The following CIITA variants were observed in gnomAD, a reference collection of about 807,000 sequenced individuals.
CIITA encodes the protein MHC class II transactivator.
A neutral mutation model predicts 115.1 loss-of-function variants in CIITA; 72 were observed. The ratio of observed to expected loss-of-function variants is 0.63; its 90% CI spans 0.52 to 0.76. The LOEUF is 0.76. Ranked by LOEUF, CIITA falls within the 30% of genes least tolerant of loss-of-function variation. The pLI, the probability that CIITA is intolerant of heterozygous loss-of-function variation, is 0.00. For missense variants in CIITA, 1,617 were observed against 1,463.8 expected, an observed-to-expected ratio of 1.10 and a Z score of -1.71; for synonymous variants, 763 against 635.6, an observed-to-expected ratio of 1.20 and a Z score of -3.02.
chr16:10,914,910 ATTT>A (rs1346623126), intron 13 of CIITA: 6 of 358,648 alleles, frequency 1.7e-5, no homozygotes, highest in Admixed American at 1.4e-4. Flanking sequence ...GTCAGCTGGC[ATTT>A]CAGGACCCCT....
In CIITA at chr16:10,895,301, C is replaced by G; in HGVS notation, c.72C>G (p.Thr24=). 1 of 1,614,014 alleles carries G rather than the reference C, an allele frequency of 6.2e-7. No individual in the cohort carries two copies. The highest frequency in any genetic ancestry group is 1.1e-5 in the South Asian group (1 of 91,076). ...SEPQGSSQCA[T]MELGPLEGGY... ...TCCCAGGCAGCTCACAGTGTGCCAC[C>G]ATGGAGTTGGGGCCCCTAGAAGGTG... The change falls in exon 2 of 20, where the codon ACC becomes ACG. Residue 24 remains threonine (T), a synonymous_variant. Coordinates refer to ENST00000324288, the MANE Select transcript of CIITA (RefSeq NM_000246.4).
In CIITA at chr16:10,941,686, G is replaced by C. The variant is rs202166462; in HGVS notation, n.812G>C. 1.4e-4 allele frequency: 228 copies of C among 1,581,180 alleles called. 2 individuals carry two copies. In the East Asian group the frequency reaches 4.5e-3, roughly 31 times the overall value. On this transcript the variant is annotated non_coding_transcript_exon_variant, in exon 2 of 2. Transcript: ENST00000573379. The surrounding 1 kb of genome is among the most constrained non-coding windows in gnomAD (Gnocchi z 6.4). ...TGGTCCAGGGCATGGGTTGCGGATC[G>C]TGTAGGGAAGAGGGGAACAGCAGTC...
intron 3 of CIITA, among the ~76,000 whole-genome samples, chr16:10,896,571 C>T (rs1473800281): frequency 1.3e-5 from 2 of 152,134 alleles, no homozygotes; most frequent in African/African-American, 4.8e-5. Flanking sequence ...ATCACCACCA[C>T]CTCATACAGA....
rs183516699 is a variant in CIITA at position 10,916,636 on chromosome 16, T to G, written c.3062+177T>G. ...GAACTCCTGGCCTCAAGGAATCTCC[T>G]CACCTCCGCTTCCCAAAGTGCTGGG... On this transcript the variant is annotated intron_variant, in intron 15 of 19. Coordinates refer to ENST00000324288, the MANE Select transcript of CIITA (RefSeq NM_000246.4). 1,133 of 650,908 alleles carry G rather than the reference T, an allele frequency of 1.7e-3. 15 individuals are homozygous for G. The highest frequency in any genetic ancestry group is 3.6e-3 in the Middle Eastern group (9 of 2,482). The allele number at this position is 650,908 out of a possible 1,614,324, so 40.3% of individuals were successfully genotyped here. A position where few individuals can be genotyped will look rare whatever the true frequency, so the allele number is the denominator to read the frequency against.
rs112852440 is a variant in CIITA at position 10,907,520 on chromosome 16, G to C, written c.2028G>C (p.Gln676His). Reference sequence around the variant, plus strand: ...GCCGCAGACATCAAAGTACCCTACAGGAGGACCAGTTCCCATCCGCAGACG... The same window carrying C: ...GCCGCAGACATCAAAGTACCCTACACGAGGACCAGTTCCCATCCGCAGACG... The part of the protein sequence containing the change: ...ELGRRHQSTL[Q>H]EDQFPSADVR... The change falls in exon 11 of 20, where the codon CAG becomes CAC. Residue 676 changes from glutamine (Q) to histidine (H), a missense_variant. By Grantham distance (24) the Gln-to-His change is conservative (BLOSUM62 0). Coordinates refer to ENST00000324288, the MANE Select transcript of CIITA (RefSeq NM_000246.4). This position sits in a 1 kb window ranked among gnomAD's most constrained non-coding sequence, Gnocchi z 5.0. 185 of 1,614,006 alleles carry C rather than the reference G, an allele frequency of 1.1e-4. No individual in the cohort carries two copies. Among genetic ancestry groups the C allele is most frequent in the Non-Finnish European group, 1.5e-4 (177 of 1,180,024 alleles).
intron 14 of CIITA, 133 bp downstream of exon 14, chr16:10,915,783 G>A: frequency 1.2e-6 from 1 of 822,636 alleles, no homozygotes; most frequent in Non-Finnish European, 2.0e-6. Flanking sequence ...GGGACCACAG[G>A]TGCATGCTAC....
At position 10,915,550 on chromosome 16, in the gene CIITA, C is replaced by T. The variant is rs1341433326; in HGVS notation, c.2889-20C>T. 5 of 1,604,640 alleles carry T rather than the reference C, an allele frequency of 3.1e-6. No individual in the cohort carries two copies. In the South Asian group the frequency reaches 4.4e-5, roughly 14 times the overall value. On this transcript the variant is annotated intron_variant, in intron 13 of 19. Coordinates refer to ENST00000324288, the MANE Select transcript of CIITA (RefSeq NM_000246.4). ...CTGTGACTGTGACTGGAGGTCTTAC[C>T]CTTGCTCTTTGCCTCCTAGGCTGGG...
intron 13 of CIITA, among the ~76,000 whole-genome samples, chr16:10,910,677 C>A (rs2039499199): frequency 6.6e-6 from 1 of 152,106 alleles, no homozygotes; most frequent in Non-Finnish European, 1.5e-5. Flanking sequence ...AAAGGCTTTC[C>A]AGGAATTGTA....
At chr16:10,916,327 A>G (rs772209909) in intron 14 of CIITA, 40 bp from the exon 15 acceptor site, 2 of 1,595,438 alleles carry the variant, frequency 1.3e-6, no homozygotes, top group Non-Finnish European at 1.7e-6. Context: ...AGATGGCCCC[A>G]GGACGCTAGC....
rs574571155 is a variant in CIITA at position 10,930,731 on chromosome 16, G to A, written c.*6876G>A. On this transcript the variant is annotated 3_prime_UTR_variant, in exon 20 of 20. Transcript: ENST00000324288. ...TAAGTGCCATGAGACCTTAGCAGAG[G>A]CTGTGGGTGCCCCGCCCCATTCCCT... The A allele has an allele frequency of 6.6e-5, 10 of 152,312 alleles. No individual in the cohort carries two copies. The highest frequency in any genetic ancestry group is 2.2e-4 in the African/African-American group (9 of 41,556). 9.4% of individuals were successfully genotyped at this position (152,312 alleles called of 1,614,324 possible). A position where few individuals can be genotyped will look rare whatever the true frequency, so the allele number is the denominator to read the frequency against.
intron 15 of CIITA, among the ~76,000 whole-genome samples, chr16:10,917,604 C>T (rs950086341): frequency 6.6e-6 from 1 of 151,930 alleles, no homozygotes; most frequent in African/African-American, 2.4e-5. Flanking sequence ...CTCAGCCTCC[C>T]AAGTAGCTGG....
Position 10,901,609 on chromosome 16 carries a change from G to A in CIITA, c.481+51G>A, listed in dbSNP as rs116778555. ...TGGGAAGGGTGGATGCCTTGGGGAG[G>A]GGATGGAAGAGATTGAACTCCTGGC... On this transcript the variant is annotated intron_variant, in intron 6 of 19. Transcript: ENST00000324288. This position sits in a 1 kb window ranked among gnomAD's most constrained non-coding sequence, Gnocchi z 6.8. 1 of 1,581,784 alleles carries A rather than the reference G, an allele frequency of 6.3e-7. No homozygotes were observed. The highest frequency in any genetic ancestry group is 1.3e-5 in the African/African-American group (1 of 74,340).
intron 11 of CIITA, 150 bp from the exon 12 acceptor site, chr16:10,908,879 G>A: frequency 1.9e-6 from 2 of 1,040,922 alleles, no homozygotes; most frequent in East Asian, 2.5e-5. Context: ...AATAAAGGCT[G>A]GAGTGGTCAT....
intron 16 of CIITA, 21 bp from the exon 17 acceptor site, chr16:10,922,146 C>G (rs769254329): frequency 2.5e-6 from 4 of 1,612,096 alleles, no homozygotes; most frequent in East Asian, 4.5e-5. Flanking sequence ...AATCCCTCCC[C>G]CTGGCCTCTG....
chr16:10,868,239 C>G (rs2035230529), intron 1 of CIITA, among the ~76,000 whole-genome samples: 1 of 152,230 alleles, frequency 6.6e-6, no homozygotes, highest in East Asian at 1.9e-4. Flanking sequence ...TTATTTAACA[C>G]TTAAAGAAGA....
At chr16:10,878,120 A>C (rs2036021421) in intron 1 of CIITA, among the ~76,000 whole-genome samples, 1 of 152,062 alleles carries the variant, frequency 6.6e-6, no homozygotes, top group Non-Finnish European at 1.5e-5. Flanking sequence ...ATTTTATAGG[A>C]ACTGGAATTG....
At chr16:10,885,710 A>T (rs2036879387) in intron 1 of CIITA, among the ~76,000 whole-genome samples, 2 of 152,252 alleles carry the variant, frequency 1.3e-5, no homozygotes, top group African/African-American at 4.8e-5. Flanking sequence ...GCTCTTGGGC[A>T]CAAATCAAGC....
chr16:10,935,991 T>TG lies in CIITA; in HGVS notation c.*12136_*12137insG, dbSNP rs1256537324. 4 of 151,776 alleles carry TG rather than the reference T, an allele frequency of 2.6e-5. No homozygotes were observed. In the East Asian group the frequency reaches 7.8e-4, roughly 30 times the overall value. The allele number at this position is 151,776 out of a possible 1,614,324, so 9.4% of individuals were successfully genotyped here. Reference sequence around the variant, plus strand: ...GTTAAGGGACACTACTGGGACAATTTTTTTTTTTTTTCGTTTTGAGACAGG... The same window carrying TG: ...GTTAAGGGACACTACTGGGACAATTTGTTTTTTTTTTTCGTTTTGAGACAGG... On this transcript the variant is annotated 3_prime_UTR_variant, in exon 20 of 20. Transcript: ENST00000324288.
rs773733783 is a variant in CIITA at position 10,907,720 on chromosome 16, A to G, written c.2228A>G (p.Lys743Arg). ...CAGTACCTAGCATTGACCCCAAGGA[A>G]GAAGAGGCCCTATGACAACTGGCTG... ...LPQYLALTPR[K>R]KRPYDNWLEG... Residue 743 changes from lysine (K) to arginine (R), a missense_variant, in exon 11 of 20, where the codon AAG becomes AGG. Lys to Arg is a conservative substitution (Grantham distance 26). Transcript: ENST00000324288. This position sits in a 1 kb window ranked among gnomAD's most constrained non-coding sequence, Gnocchi z 5.0. 1 of 1,614,230 alleles carries G rather than the reference A, an allele frequency of 6.2e-7. No individual in the cohort carries two copies. Among genetic ancestry groups the G allele is most frequent in the Non-Finnish European group, 8.5e-7 (1 of 1,180,040 alleles).
Sources: allele counts gnomAD v4.1 joint callset (sites outside exome capture counted in the v4.1 genomes callset), GRCh38; gene constraint gnomAD v4.1.1; non-coding constraint Gnocchi (gnomAD v3.1); transcripts MANE v1.5; gene names NCBI Gene and HGNC (gene_info 2026-07-23, HGNC 2026-07-21).